ZNF69: variants seen among roughly 807,000 people sequenced by gnomAD.
The protein encoded by ZNF69 is zinc finger protein 69.
In ZNF69, 47 loss-of-function variants were observed where a neutral mutation model predicts 50.9. That is an observed-to-expected ratio of 0.92 (90% CI 0.73 to 1.18). The LOEUF is 1.18. Ranked by LOEUF, ZNF69 falls within the 50% of genes most tolerant of loss-of-function variation. The probability of loss-of-function intolerance (pLI) is 0.00; values close to 1 mark genes in which losing one functional copy is unlikely to be tolerated. For missense variants in ZNF69, 717 were observed against 675.1 expected, an observed-to-expected ratio of 1.06 and a Z score of -0.69; for synonymous variants, 216 against 223.1, an observed-to-expected ratio of 0.97 and a Z score of 0.29.
the ZNF69 span, among the ~76,000 whole-genome samples, chr19:11,936,156 A>C: frequency 4.6e-5 from 7 of 151,896 alleles, no homozygotes; most frequent in East Asian, 1.4e-3. Context: ...TGAATAGTGA[A>C]TATTGCTTTA....
At chr19:11,950,445 A>G in the ZNF69 span, 1 of 723,412 alleles carries the variant, frequency 1.4e-6, no homozygotes, top group Non-Finnish European at 2.5e-6. Flanking sequence ...AATGTCATGA[A>G]AGGACTCACA....
intron 1 of ZNF69, among the ~76,000 whole-genome samples, chr19:11,898,614 C>T (rs1972179466): frequency 6.6e-6 from 1 of 152,152 alleles, no homozygotes; most frequent in Non-Finnish European, 1.5e-5. Context: ...TGGTCTCGAA[C>T]TCCTGACCTC....
At chr19:11,958,788 A>C in the ZNF69 span, among the ~76,000 whole-genome samples, 1 of 152,114 alleles carries the variant, frequency 6.6e-6, no homozygotes, top group South Asian at 2.1e-4. Context: ...TGCCTACCTG[A>C]GCTGCCTCCG....
chr19:11,901,546 G>A (rs1314871565), intron 1 of ZNF69, among the ~76,000 whole-genome samples: 2 of 152,124 alleles, frequency 1.3e-5, no homozygotes, highest in East Asian at 1.9e-4. Flanking sequence ...GTGCAGTGGC[G>A]TGATCTCGGC....
the ZNF69 span, chr19:11,948,395 A>C: frequency 6.2e-7 from 1 of 1,614,090 alleles, no homozygotes; most frequent in South Asian, 1.1e-5. Context: ...CCTGAAGTAA[A>C]ATCATGTGAC....
At chr19:11,900,455 C>T (rs1473451612) in intron 1 of ZNF69, among the ~76,000 whole-genome samples, 4 of 151,702 alleles carry the variant, frequency 2.6e-5, no homozygotes, top group Non-Finnish European at 5.9e-5. Flanking sequence ...TGGGTTCCAG[C>T]GATTCTCCTG....
the ZNF69 span, among the ~76,000 whole-genome samples, chr19:11,936,434 A>G: frequency 5.9e-5 from 9 of 152,164 alleles, no homozygotes; most frequent in Admixed American, 3.9e-4. Context: ...TTCTCTGATG[A>G]CCAGTGTTGA....
At chr19:11,948,935 A>G in the ZNF69 span, 5 of 1,608,100 alleles carry the variant, frequency 3.1e-6, no homozygotes, top group Non-Finnish European at 4.2e-6. Context: ...ATGGGAGAGA[A>G]GCCTTATCAA....
At chr19:11,948,098 A>C in the ZNF69 span, among the ~76,000 whole-genome samples, 1 of 152,192 alleles carries the variant, frequency 6.6e-6, no homozygotes, top group African/African-American at 2.4e-5. Context: ...ATTTTTTTAA[A>C]CAATAGGTAT....
At chr19:11,903,123 C>T (rs914571004) in intron 1 of ZNF69, among the ~76,000 whole-genome samples, 4 of 151,370 alleles carry the variant, frequency 2.6e-5, no homozygotes, top group Admixed American at 2.6e-4. Flanking sequence ...GGTAACAGAA[C>T]GAGACGCTGT....
intron 1 of ZNF69, among the ~76,000 whole-genome samples, chr19:11,897,065 G>T (rs1338390039): frequency 6.6e-6 from 1 of 152,090 alleles, no homozygotes; most frequent in East Asian, 1.9e-4. Flanking sequence ...ATAGAAATTA[G>T]TGGCTGGGCA....
intron 1 of ZNF69, among the ~76,000 whole-genome samples, chr19:11,897,574 G>GAAA (rs779720252): frequency 1.8e-5 from 2 of 112,784 alleles, no homozygotes; most frequent in Non-Finnish European, 3.8e-5. Context: ...GACCCTGTTT[G>GAAA]AAAAAAAAAA....
the ZNF69 span, chr19:11,979,487 T>C: frequency 6.9e-6 from 11 of 1,601,994 alleles, no homozygotes; most frequent in African/African-American, 1.3e-5. Flanking sequence ...GAAAGGCTTT[T>C]ATTCTCCCAC....
the ZNF69 span, among the ~76,000 whole-genome samples, chr19:11,923,484 C>T: frequency 6.6e-6 from 1 of 152,186 alleles, no homozygotes. Context: ...TCCCGGGCTC[C>T]GGGCCCTAGA....
chr19:11,954,440 ATTGT>A, the ZNF69 span, among the ~76,000 whole-genome samples: 5 of 152,116 alleles, frequency 3.3e-5, no homozygotes, highest in African/African-American at 1.2e-4. Flanking sequence ...TTGCTCTCTA[ATTGT>A]TTGTCTCAAG....
At chr19:11,909,200 A>T (rs1449487967), downstream of ZNF69, among the ~76,000 whole-genome samples, 1 of 152,218 alleles carries the variant, frequency 6.6e-6, no homozygotes, top group South Asian at 2.1e-4. Context: ...AACCAAAAAA[A>T]GTCAAGGACC....
chr19:11,934,906 T>A, the ZNF69 span, among the ~76,000 whole-genome samples: 1 of 146,104 alleles, frequency 6.8e-6, no homozygotes, highest in Non-Finnish European at 1.5e-5. Context: ...TTTGGTCGGG[T>A]GCGGTGGCTC....
At chr19:11,967,561 G>A in the ZNF69 span, among the ~76,000 whole-genome samples, 7 of 151,952 alleles carry the variant, frequency 4.6e-5, no homozygotes, top group Admixed American at 6.6e-5. Context: ...CCGCCACCAC[G>A]CTCGGCTAAT....
downstream of ZNF69, among the ~76,000 whole-genome samples, chr19:11,918,986 C>G (rs1294304183): frequency 6.6e-6 from 1 of 151,848 alleles, no homozygotes; most frequent in South Asian, 2.1e-4. Flanking sequence ...ACCTCCGCCT[C>G]CCGGGTTCAC....
Sources: allele counts gnomAD v4.1 joint callset (sites outside exome capture counted in the v4.1 genomes callset), GRCh38; gene constraint gnomAD v4.1.1; transcripts MANE v1.5; gene names NCBI Gene and HGNC (gene_info 2026-07-23, HGNC 2026-07-21).